The following SPMIP3 variants were observed in gnomAD, a reference collection of about 807,000 sequenced individuals.
SPMIP3 encodes the protein protein SPMIP3.
At chr1:244,361,830 G>A in the SPMIP3 span, among the ~76,000 whole-genome samples, 1 of 152,132 alleles carries the variant, frequency 6.6e-6, no homozygotes, top group Non-Finnish European at 1.5e-5. Context: ...GGGATAGTGG[G>A]GGCTGTCTTT....
the SPMIP3 span, among the ~76,000 whole-genome samples, chr1:244,359,330 T>C: frequency 4.0e-4 from 61 of 152,198 alleles, no homozygotes; most frequent in Middle Eastern, 0.02. Flanking sequence ...ACCCACAGAA[T>C]GGGAGAAAAT....
the SPMIP3 span, among the ~76,000 whole-genome samples, chr1:244,387,851 C>A: frequency 3.3e-5 from 5 of 151,592 alleles, no homozygotes; most frequent in African/African-American, 1.2e-4. Context: ...AAGGGTGACT[C>A]CCAGGTTTCT....
At chr1:244,378,575 T>C in the SPMIP3 span, 1 of 1,614,172 alleles carries the variant, frequency 6.2e-7, no homozygotes, top group Admixed American at 1.7e-5. Context: ...ATTCAAAGCC[T>C]GCCGAGCCAT....
At chr1:244,359,963 G>T in the SPMIP3 span, among the ~76,000 whole-genome samples, 16 of 151,878 alleles carry the variant, frequency 1.1e-4, no homozygotes, top group South Asian at 2.1e-4. Flanking sequence ...CAAAAAATTA[G>T]CTGGGCGTGG....
At chr1:244,376,300 A>G in the SPMIP3 span, 1 of 152,224 alleles carries the variant, frequency 6.6e-6, no homozygotes, top group African/African-American at 2.4e-5. Context: ...AGGTTACCCC[A>G]TCAGGCAAAC....
At chr1:244,369,488 C>T in the SPMIP3 span, among the ~76,000 whole-genome samples, 3 of 152,066 alleles carry the variant, frequency 2.0e-5, no homozygotes, top group South Asian at 2.1e-4. Flanking sequence ...CATTGCCACA[C>T]GCCAAAGAAA....
chr1:244,387,985 T>G, the SPMIP3 span, among the ~76,000 whole-genome samples: 9 of 151,924 alleles, frequency 5.9e-5, no homozygotes, highest in African/African-American at 2.2e-4. Flanking sequence ...TGGAGTGCAA[T>G]GGTGCGATCT....
At chr1:244,386,277 C>A in the SPMIP3 span, among the ~76,000 whole-genome samples, 1 of 152,172 alleles carries the variant, frequency 6.6e-6, no homozygotes, top group Non-Finnish European at 1.5e-5. Context: ...TAAAGTTTCT[C>A]TGTGGTTATC....
At chr1:244,357,974 G>T in the SPMIP3 span, among the ~76,000 whole-genome samples, 2 of 152,078 alleles carry the variant, frequency 1.3e-5, no homozygotes, top group Admixed American at 1.3e-4. Context: ...TGCAGTCCAA[G>T]CTACTCAGAA....
chr1:244,382,600 G>GGTT, the SPMIP3 span, among the ~76,000 whole-genome samples: 1 of 106,072 alleles, frequency 9.4e-6, no homozygotes, highest in Non-Finnish European at 1.9e-5. Flanking sequence ...TCTGGCTGCT[G>GGTT]TTTTTTTTTT....
At chr1:244,380,132 T>C in the SPMIP3 span, among the ~76,000 whole-genome samples, 4 of 63,946 alleles carry the variant, frequency 6.3e-5, no homozygotes, top group African/African-American at 2.0e-4. Context: ...TCTTTTTTTT[T>C]TTTTTTTTTT....
chr1:244,389,326 C>A, the SPMIP3 span: 1 of 289,768 alleles, frequency 3.5e-6, no homozygotes, highest in Non-Finnish European at 6.6e-6. Flanking sequence ...TACATTTAGG[C>A]CAATGTATAC....
chr1:244,381,800 A>G, the SPMIP3 span, among the ~76,000 whole-genome samples: 3 of 152,110 alleles, frequency 2.0e-5, no homozygotes, highest in Non-Finnish European at 2.9e-5. Flanking sequence ...GTGTGGTGGC[A>G]CTCACCTATA....
chr1:244,357,239 A>G, the SPMIP3 span, among the ~76,000 whole-genome samples: 15 of 70,916 alleles, frequency 2.1e-4, no homozygotes, highest in East Asian at 7.6e-4. Context: ...TGAAACAAAT[A>G]TAAACAAGAT....
the SPMIP3 span, among the ~76,000 whole-genome samples, chr1:244,360,654 C>T: frequency 5.3e-4 from 81 of 152,050 alleles, no homozygotes; most frequent in African/African-American, 1.8e-3. Flanking sequence ...AAGGCTGAGG[C>T]GGGAGGATCA....
At chr1:244,370,776 A>G in the SPMIP3 span, among the ~76,000 whole-genome samples, 1 of 152,224 alleles carries the variant, frequency 6.6e-6, no homozygotes, top group African/African-American at 2.4e-5. Context: ...CAGAATAGCG[A>G]CATGGAGTTT....
At chr1:244,384,712 T>G in the SPMIP3 span, among the ~76,000 whole-genome samples, 2 of 152,166 alleles carry the variant, frequency 1.3e-5, no homozygotes, top group East Asian at 1.9e-4. Context: ...ATGATGGGTG[T>G]TGGCAGTAGA....
At chr1:244,378,374 A>G in the SPMIP3 span, 1 of 1,300,500 alleles carries the variant, frequency 7.7e-7, no homozygotes. Flanking sequence ...TGTTAGCCTC[A>G]CGGCCGTTTC....
the SPMIP3 span, among the ~76,000 whole-genome samples, chr1:244,388,578 A>T: frequency 1.3e-5 from 2 of 152,206 alleles, no homozygotes; most frequent in Admixed American, 1.3e-4. Context: ...TGAAAAAACA[A>T]AGAAACCTCT....
Sources: allele counts gnomAD v4.1 joint callset (sites outside exome capture counted in the v4.1 genomes callset), GRCh38; gene constraint gnomAD v4.1.1; transcripts MANE v1.5; gene names NCBI Gene and HGNC (gene_info 2026-07-23, HGNC 2026-07-21).